F13A1: variants seen among roughly 807,000 people sequenced by gnomAD.
F13A1 encodes FSF, A subunit.
In F13A1, 47 loss-of-function variants were observed where a neutral mutation model predicts 80.1. The ratio of observed to expected loss-of-function variants is 0.59; its 90% CI spans 0.46 to 0.75. The LOEUF (loss-of-function observed/expected upper bound fraction) is 0.75. Ranked by LOEUF, F13A1 falls within the 30% of genes least tolerant of loss-of-function variation. The probability of loss-of-function intolerance (pLI) is 0.00; values close to 1 mark genes in which losing one functional copy is unlikely to be tolerated. For synonymous variants in F13A1, 349 were observed against 344.9 expected (o/e 1.01, Z -0.13); for missense variants, 817 against 930.4 (o/e 0.88, Z 1.59).
Position 6,303,610 on chromosome 6 carries a change from A to G in F13A1, c.319+1741T>C, listed in dbSNP as rs529896684. Among the ~76,000 whole-genome samples, 8 of 152,298 alleles carry G rather than the reference A, an allele frequency of 5.3e-5. No homozygotes were observed. In the South Asian group the frequency reaches 1.4e-3, roughly 28 times the overall value. On this transcript the variant is annotated intron_variant, in intron 3 of 14. Coordinates refer to ENST00000264870, the MANE Select transcript of F13A1 (RefSeq NM_000129.4). ...TACATTATTATTAACTATAGTCACC[A>G]TGCTGTGGAATAGGTCACTAAAACT...
chr6:6,213,645 A>G (rs1300341764), intron 8 of F13A1, among the ~76,000 whole-genome samples: 4 of 149,556 alleles, frequency 2.7e-5, no homozygotes, highest in Admixed American at 6.7e-5. Flanking sequence ...ACCAGCTAAC[A>G]TCATAATGAC....
intron 10 of F13A1, among the ~76,000 whole-genome samples, chr6:6,195,299 C>T (rs1299578941): frequency 6.6e-6 from 1 of 152,216 alleles, no homozygotes; most frequent in African/African-American, 2.4e-5. Flanking sequence ...GCAACTCAAC[C>T]CTCCCTCCCT....
Position 6,174,703 on chromosome 6 carries a change from T to A in F13A1, c.1624A>T (p.Asn542Tyr). Residue 542 changes from asparagine (N) to tyrosine (Y), a missense_variant, in exon 12 of 15, where the codon AAC (asparagine) becomes TAC (tyrosine). By Grantham distance (143) the Asn-to-Tyr change is moderately radical (BLOSUM62 -2). Transcript: ENST00000264870. ...ATGGTGTAACGGTTGTGGCTGTTGT[T>A]CCGGAAGGTGATGGAGAGCTTGAAG... ...KDFKLSITFR[N>Y]NSHNRYTITA... The A allele has an allele frequency of 6.2e-7, 1 of 1,614,178 alleles. No individual in the cohort carries two copies. Among genetic ancestry groups the A allele is most frequent in the Non-Finnish European group, 8.5e-7 (1 of 1,180,030 alleles).
At chr6:6,269,397 C>T (rs1185407498) in intron 3 of F13A1, among the ~76,000 whole-genome samples, 1 of 152,010 alleles carries the variant, frequency 6.6e-6, no homozygotes, top group Non-Finnish European at 1.5e-5. Flanking sequence ...TGCCAACAAA[C>T]CTATCAAAGC....
chr6:6,290,764 G>A (rs1437640672), intron 3 of F13A1, among the ~76,000 whole-genome samples: 1 of 152,166 alleles, frequency 6.6e-6, no homozygotes, highest in Non-Finnish European at 1.5e-5. Flanking sequence ...CATCAATGCA[G>A]AAACCCATAG....
chr6:6,211,792 A>T (rs753426583), intron 8 of F13A1, among the ~76,000 whole-genome samples: 9 of 152,238 alleles, frequency 5.9e-5, no homozygotes, highest in Non-Finnish European at 8.8e-5. Context: ...AGGGAGTGCC[A>T]GACAGTGGGC....
At chr6:6,181,631 C>A (rs951081597) in intron 11 of F13A1, among the ~76,000 whole-genome samples, 8 of 152,070 alleles carry the variant, frequency 5.3e-5, no homozygotes, top group African/African-American at 9.7e-5. Flanking sequence ...ATTTTAATTT[C>A]TATTATTGGA....
At chr6:6,280,363 G>T (rs75381934) in intron 3 of F13A1, among the ~76,000 whole-genome samples, 1 of 152,080 alleles carries the variant, frequency 6.6e-6, no homozygotes, top group African/African-American at 2.4e-5. Context: ...TAGACCGTGG[G>T]GGAAGTCAAC....
chr6:6,263,435 T>C (rs1561672253), intron 4 of F13A1, among the ~76,000 whole-genome samples: 1 of 152,222 alleles, frequency 6.6e-6, no homozygotes, highest in Non-Finnish European at 1.5e-5. Context: ...GGCTCTGGGC[T>C]CTTTTGATCT....
intron 14 of F13A1, among the ~76,000 whole-genome samples, chr6:6,147,201 A>G (rs1411760738): frequency 1.3e-5 from 2 of 152,236 alleles, no homozygotes; most frequent in Non-Finnish European, 2.9e-5. Flanking sequence ...TGGTTACAGT[A>G]TATACTGCTT....
intron 8 of F13A1, among the ~76,000 whole-genome samples, chr6:6,212,401 AC>A (rs1457951867): frequency 1.3e-5 from 2 of 151,938 alleles, no homozygotes; most frequent in Non-Finnish European, 2.9e-5. Flanking sequence ...ACTGGGAGGC[AC>A]CCCCCAGCAG....
At chr6:6,242,419 A>G (rs1757495193) in intron 6 of F13A1, among the ~76,000 whole-genome samples, 1 of 152,236 alleles carries the variant, frequency 6.6e-6, no homozygotes, top group South Asian at 2.1e-4. Context: ...CGATATTAGC[A>G]AAAGGCCAGG....
At chr6:6,238,930 C>T (rs1442329963) in intron 6 of F13A1, among the ~76,000 whole-genome samples, 1 of 152,108 alleles carries the variant, frequency 6.6e-6, no homozygotes, top group Non-Finnish European at 1.5e-5. Flanking sequence ...AGTAGAGCTG[C>T]TTTGGAAAAC....
chr6:6,234,824 TTAA>T (rs1415520332), intron 6 of F13A1, among the ~76,000 whole-genome samples: 77 of 152,170 alleles, frequency 5.1e-4, no homozygotes, highest in Non-Finnish European at 1.2e-4. Flanking sequence ...CTGTTGCAAT[TTAA>T]TTTCTTTCCT....
At chr6:6,276,969 G>A (rs1376212959) in intron 3 of F13A1, among the ~76,000 whole-genome samples, 1 of 152,014 alleles carries the variant, frequency 6.6e-6, no homozygotes, top group East Asian at 1.9e-4. Flanking sequence ...CTCTTTCTTG[G>A]CTAAGGGGAC....
At chr6:6,174,994 G>T in intron 11 of F13A1, 127 bp from the exon 12 acceptor site, 1 of 1,121,414 alleles carries the variant, frequency 8.9e-7, no homozygotes, top group Non-Finnish European at 1.3e-6. Context: ...GACCTCCCCA[G>T]GAGGAGGGTG....
chr6:6,233,041 G>T (rs915316651), intron 6 of F13A1, among the ~76,000 whole-genome samples: 1 of 151,880 alleles, frequency 6.6e-6, no homozygotes, highest in African/African-American at 2.4e-5. Flanking sequence ...TACACCTCAA[G>T]GAACTGGAGA....
At chr6:6,218,163 C>G (rs994745544) in intron 8 of F13A1, among the ~76,000 whole-genome samples, 5 of 152,162 alleles carry the variant, frequency 3.3e-5, no homozygotes, top group Non-Finnish European at 5.9e-5. Context: ...AGGAGCGAAG[C>G]CTTTCATTGA....
intron 13 of F13A1, among the ~76,000 whole-genome samples, chr6:6,152,603 G>C (rs888900505): frequency 1.3e-5 from 2 of 152,192 alleles, no homozygotes; most frequent in Non-Finnish European, 2.9e-5. Flanking sequence ...CCAGAGCTCA[G>C]TGCCAGGTTC....
Sources: gnomAD v4.1 joint callset for allele counts (sites outside exome capture counted in the v4.1 genomes callset) on GRCh38, gnomAD v4.1.1 for gene constraint, MANE v1.5 for transcripts, NCBI Gene and HGNC (gene_info 2026-07-23, HGNC 2026-07-21) for gene names.